The following KIF1A variants were observed in gnomAD, a reference collection of about 807,000 sequenced individuals.
KIF1A encodes kinesin-like protein KIF1A.
Under a neutral mutation model 227.3 loss-of-function variants are expected in KIF1A, and 46 were observed. That is an observed-to-expected ratio of 0.20 (90% CI 0.16 to 0.26). KIF1A has a LOEUF of 0.26. Among genes scored for constraint, KIF1A ranks in the 10% least tolerant of loss-of-function variants. The pLI, the probability that KIF1A is intolerant of heterozygous loss-of-function variation, is 1.00. For missense variants in KIF1A, 1,683 were observed against 2,485.9 expected, an observed-to-expected ratio of 0.68 and a Z score of 6.87; for synonymous variants, 1,022 against 1,012.8, an observed-to-expected ratio of 1.01 and a Z score of -0.17.
At chr2:240,720,888 A>T in intron 45 of KIF1A, 26 bp downstream of exon 45, 1 of 1,533,104 alleles carries the variant, frequency 6.5e-7, no homozygotes, top group Non-Finnish European at 8.8e-7. Flanking sequence ...GCCAGAAGCC[A>T]CTCCGGGAGC....
Position 240,797,783 on chromosome 2 carries a change from G to C in KIF1A, c.-31C>G, listed in dbSNP as rs2056566662. 1 of 1,426,264 alleles carries C rather than the reference G, an allele frequency of 7.0e-7. No individual in the cohort carries two copies. The highest frequency in any genetic ancestry group is 1.2e-5 in the South Asian group (1 of 84,760). The allele number at this position is 1,426,264 out of a possible 1,614,324, so 88.4% of individuals were successfully genotyped here. A position where few individuals can be genotyped will look rare whatever the true frequency, so the allele number is the denominator to read the frequency against. Reference sequence around the variant, plus strand: ...TGGCCTTCGTGGGTCACTCCTCGCAGTAGTGGGAGCCCCAGTGTGGGGGGA... The same window carrying C: ...TGGCCTTCGTGGGTCACTCCTCGCACTAGTGGGAGCCCCAGTGTGGGGGGA... On this transcript the variant is annotated 5_prime_UTR_variant, in exon 2 of 49. Transcript: ENST00000498729.
In KIF1A at chr2:240,763,014, C is replaced by T. The variant is rs998699582; in HGVS notation, c.2022+5G>A. ...GGGCAGGGAGGGCGGGGCCACGTCA[C>T]TCACCAGCCGCTGCTGCTCCAGCAG... On this transcript the variant is annotated splice_donor_5th_base_variant and intron_variant, in intron 22 of 48. Transcript: ENST00000498729. The T allele has an allele frequency of 1.3e-6, 2 of 1,493,316 alleles. No individual in the cohort carries two copies. The highest frequency in any genetic ancestry group is 1.8e-6 in the Non-Finnish European group (2 of 1,123,132). The allele number at this position is 1,493,316 out of a possible 1,614,324, so 92.5% of individuals were successfully genotyped here.
rs375724795 is a variant in KIF1A, at chr2:240,725,544, C to T, written c.4123-140G>A. On this transcript the variant is annotated intron_variant, in intron 39 of 48. Coordinates refer to ENST00000498729, the MANE Select transcript of KIF1A (RefSeq NM_001244008.2). This position sits in a 1 kb window ranked among gnomAD's most constrained non-coding sequence, Gnocchi z 5.8. ...CCCAGGGCCTCAGGTGTGGCCTGGA[C>T]GCAGGCAGGAGAAAGTCTCTGCTCC... is the stretch of plus-strand genomic sequence containing the variant. 1.6e-4 allele frequency: 141 copies of T among 867,822 alleles called. No individual in the cohort carries two copies. The highest frequency in any genetic ancestry group is 1.6e-3 in the African/African-American group (94 of 58,778). The allele number at this position is 867,822 out of a possible 1,614,324, so 53.8% of individuals were successfully genotyped here.
chr2:240,767,345 T>A lies in KIF1A; in HGVS notation c.1498A>T (p.Thr500Ser). ...TCGTTCAGGTTGACGAGGTGTGGTG[T>A]CTGCAGGGAGACAGGAGGATCATCT... ...GTLGVFSPKK[T>S]PHLVNLNEDP... The change falls in exon 18 of 49, where the codon ACA (threonine) becomes TCA (serine). Residue 500 changes from threonine to serine, a missense_variant and splice_region_variant. Physicochemically the swap from Thr to Ser is moderately conservative, Grantham distance 58. Around this residue, in one of 12 missense-constraint regions of KIF1A, gnomAD observed 217 missense variants for 427.0 expected, o/e 0.51. Coordinates refer to ENST00000498729, the MANE Select transcript of KIF1A (RefSeq NM_001244008.2). 1 of 1,612,946 alleles carries A rather than the reference T, an allele frequency of 6.2e-7. No homozygotes were observed. Among genetic ancestry groups the A allele is most frequent in the South Asian group, 1.1e-5 (1 of 90,972 alleles).
intron 38 of KIF1A, among the ~76,000 whole-genome samples, chr2:240,735,626 C>G (rs935548782): frequency 4.6e-5 from 7 of 152,218 alleles, no homozygotes; most frequent in Non-Finnish European, 1.0e-4. Flanking sequence ...GGCCCCACCC[C>G]CTACTCCAAT....
chr2:240,772,763 G>C (rs1405771273), intron 13 of KIF1A, among the ~76,000 whole-genome samples, 167 bp from the exon 14 acceptor site: 1 of 152,158 alleles, frequency 6.6e-6, no homozygotes, highest in African/African-American at 2.4e-5. Context: ...GGGGGACCTC[G>C]GTGACCCCAG....
intron 1 of KIF1A, among the ~76,000 whole-genome samples, chr2:240,808,242 A>C (rs1246369565): frequency 6.6e-6 from 1 of 152,266 alleles, no homozygotes; most frequent in African/African-American, 2.4e-5. Context: ...GCTCATCTAC[A>C]CATAAATCAA....
At chr2:240,750,132 C>G (rs1427591613) in intron 28 of KIF1A, among the ~76,000 whole-genome samples, 1 of 152,256 alleles carries the variant, frequency 6.6e-6, no homozygotes, top group East Asian at 1.9e-4. Flanking sequence ...GCTCAGCCTG[C>G]ACAGCCCCCA....
At chr2:240,809,962 T>C (rs773023591) in intron 1 of KIF1A, among the ~76,000 whole-genome samples, 85 of 152,238 alleles carry the variant, frequency 5.6e-4, no homozygotes, top group Non-Finnish European at 9.6e-4. Flanking sequence ...ATCACACCTA[T>C]TTTTATTTTT....
At chr2:240,808,478 G>A (rs976112225) in intron 1 of KIF1A, among the ~76,000 whole-genome samples, 1 of 150,272 alleles carries the variant, frequency 6.7e-6, no homozygotes, top group Admixed American at 6.7e-5. Context: ...GAGCAACATA[G>A]CAAGACCCAT....
At chr2:240,760,903 A>C in intron 24 of KIF1A, 60 bp from the exon 25 acceptor site, 1 of 1,484,472 alleles carries the variant, frequency 6.7e-7, no homozygotes, top group Non-Finnish European at 9.1e-7. Context: ...CCAGGTCCCC[A>C]AAAAGGCTTC....
At chr2:240,723,315 C>A (rs868104279) in intron 42 of KIF1A, 98 bp downstream of exon 42, 4 of 1,224,278 alleles carry the variant, frequency 3.3e-6, no homozygotes, top group East Asian at 2.6e-5. Flanking sequence ...TGCTGCCCCC[C>A]AGTAGGCACC....
chr2:240,761,129 G>C, intron 24 of KIF1A, 100 bp downstream of exon 24: 1 of 1,390,182 alleles, frequency 7.2e-7, no homozygotes, highest in South Asian at 1.4e-5. Flanking sequence ...CCCCGGGGCC[G>C]GCAGAGAGCC....
intron 38 of KIF1A, among the ~76,000 whole-genome samples, chr2:240,735,756 AG>A (rs766470263): frequency 4.6e-5 from 7 of 152,288 alleles, no homozygotes; most frequent in Non-Finnish European, 7.4e-5. Flanking sequence ...AGGAGAAGCA[AG>A]GCACGGGGAA....
At chr2:240,747,371 T>C in intron 28 of KIF1A, 50 bp from the exon 29 acceptor site, 1 of 1,510,912 alleles carries the variant, frequency 6.6e-7, no homozygotes, top group African/African-American at 1.4e-5. Context: ...TCCCCTGAGG[T>C]GGGTGTGGGC....
chr2:240,753,233 C>T (rs2049432046), intron 27 of KIF1A, among the ~76,000 whole-genome samples: 1 of 152,218 alleles, frequency 6.6e-6, no homozygotes, highest in African/African-American at 2.4e-5. Context: ...CCTCACTCTC[C>T]CCCACTGCCC....
chr2:240,723,894 C>T lies in KIF1A; in HGVS notation c.4318+81G>A, dbSNP rs1031100164. 1.9e-5 allele frequency: 23 copies of T among 1,193,694 alleles called. No homozygotes were observed. The East Asian group carries it at 5.1e-4, about 27-fold the overall frequency. The allele number at this position is 1,193,694 out of a possible 1,614,324, so 73.9% of individuals were successfully genotyped here. On this transcript the variant is annotated intron_variant, in intron 41 of 48. Transcript: ENST00000498729. ...CTGTGAGGGATCCCCCTGCAAATGGCAGCTTCGCTGTGGTCACCCCAAGTG... is the reference window on the plus strand; with the variant it reads ...CTGTGAGGGATCCCCCTGCAAATGGTAGCTTCGCTGTGGTCACCCCAAGTG...
upstream of KIF1A, among the ~76,000 whole-genome samples, chr2:240,821,400 T>C (rs765204859): frequency 6.6e-6 from 1 of 152,096 alleles, no homozygotes; most frequent in Non-Finnish European, 1.5e-5. Context: ...TCACATCCAC[T>C]TCTGCAAGAC....
intron 14 of KIF1A, 39 bp downstream of exon 14, chr2:240,772,530 TG>T: frequency 6.5e-7 from 1 of 1,534,922 alleles, no homozygotes; most frequent in Non-Finnish European, 8.8e-7. Context: ...TGGCTGGGGC[TG>T]GAAGCAGAGA....
Sources: gnomAD v4.1 joint callset for allele counts (sites outside exome capture counted in the v4.1 genomes callset) on GRCh38, gnomAD v4.1.1 for gene constraint, gnomAD v4.1.1 regional missense constraint, Gnocchi (gnomAD v3.1) non-coding constraint, MANE v1.5 for transcripts, NCBI Gene and HGNC (gene_info 2026-07-23, HGNC 2026-07-21) for gene names.